The following TWSG1 variants were observed in gnomAD, a reference collection of about 807,000 sequenced individuals.
TWSG1 encodes twisted gastrulation BMP signaling modulator 1.
A neutral mutation model predicts 23.0 loss-of-function variants in TWSG1; 15 were observed. The ratio of observed to expected loss-of-function variants is 0.65; its 90% CI spans 0.44 to 1.00. The LOEUF (loss-of-function observed/expected upper bound fraction) is 1.00, where lower values mean the gene tolerates loss of function less well. TWSG1 is among the 50% of genes least tolerant of loss of function. The pLI is 0.00. For missense variants in TWSG1, 242 were observed against 278.7 expected, an observed-to-expected ratio of 0.87 and a Z score of 0.94; for synonymous variants, 86 against 92.8, an observed-to-expected ratio of 0.93 and a Z score of 0.42.
At chr18:9,355,025 G>A (rs560753697) in intron 2 of TWSG1, among the ~76,000 whole-genome samples, 14 of 151,714 alleles carry the variant, frequency 9.2e-5, no homozygotes, top group Middle Eastern at 6.8e-3. Context: ...GCCCCATCTC[G>A]GCTCACTGCA....
At chr18:9,339,438 G>C (rs948243367) in intron 2 of TWSG1, among the ~76,000 whole-genome samples, 5 of 152,038 alleles carry the variant, frequency 3.3e-5, no homozygotes, top group Non-Finnish European at 5.9e-5. Flanking sequence ...GTGGCACCAT[G>C]CCTGGCTAAT....
intron 1 of TWSG1, 88 bp from the exon 2 acceptor site, chr18:9,337,105 A>T (rs2040426648): frequency 8.8e-7 from 1 of 1,142,536 alleles, no homozygotes; most frequent in Admixed American, 2.1e-5. Context: ...ACAAACAATG[A>T]GTCTTAGTTT....
intron 3 of TWSG1, among the ~76,000 whole-genome samples, chr18:9,369,417 C>T (rs1217117741): frequency 2.6e-5 from 4 of 151,686 alleles, no homozygotes; most frequent in South Asian, 2.1e-4. Flanking sequence ...TACAGGTGCC[C>T]GCCACCACGC....
Position 9,399,799 on chromosome 18 carries a change from T to G in TWSG1, c.*272T>G. 1 of 255,884 alleles carries G rather than the reference T, an allele frequency of 3.9e-6. No homozygotes were observed. The allele number at this position is 255,884 out of a possible 1,614,324, so 15.9% of individuals were successfully genotyped here. A position where few individuals can be genotyped will look rare whatever the true frequency, so the allele number is the denominator to read the frequency against. ...AGAAGCAGGTGCGCAGAGAATTCCTTGAAAGATCTGAGGTTTTTAACATGA... is the reference window on the plus strand; with the variant it reads ...AGAAGCAGGTGCGCAGAGAATTCCTGGAAAGATCTGAGGTTTTTAACATGA... On this transcript the variant is annotated 3_prime_UTR_variant, in exon 5 of 5. Coordinates refer to ENST00000262120, the MANE Select transcript of TWSG1 (RefSeq NM_020648.6).
chr18:9,402,360 G>GTATTT lies in TWSG1; in HGVS notation c.*2834_*2835insATTTT, dbSNP rs1227065942. ...TATATGATCTACAACATATAAAATT[G>GTATTT]TGTATTTTTCTTTGGTTGTCCCTAT... On this transcript the variant is annotated 3_prime_UTR_variant, in exon 5 of 5. Transcript: ENST00000262120. The GTATTT allele has an allele frequency of 5.3e-5, 8 of 152,066 alleles. No homozygotes were observed. The highest frequency in any genetic ancestry group is 1.9e-4 in the African/African-American group (8 of 41,408). 9.4% of individuals were successfully genotyped at this position (152,066 alleles called of 1,614,324 possible). A position where few individuals can be genotyped will look rare whatever the true frequency, so the allele number is the denominator to read the frequency against.
intron 4 of TWSG1, among the ~76,000 whole-genome samples, chr18:9,398,816 T>C (rs1444588896): frequency 1.3e-5 from 2 of 152,010 alleles, no homozygotes; most frequent in Non-Finnish European, 2.9e-5. Context: ...CATTTTCTAC[T>C]TAGTTCTGTG....
intron 3 of TWSG1, among the ~76,000 whole-genome samples, chr18:9,373,140 GAA>G (rs981196996): frequency 6.6e-6 from 1 of 152,222 alleles, no homozygotes; most frequent in African/African-American, 2.4e-5. Flanking sequence ...TCACAGCAAG[GAA>G]AGTTATCAGA....
At chr18:9,388,064 A>C (rs968551424) in intron 3 of TWSG1, 1 of 152,206 alleles carries the variant, frequency 6.6e-6, no homozygotes, top group African/African-American at 2.4e-5. Context: ...CATTTCTGTC[A>C]TGCCACTTGA....
At chr18:9,349,738 C>T (rs751954011) in intron 2 of TWSG1, among the ~76,000 whole-genome samples, 13 of 152,104 alleles carry the variant, frequency 8.5e-5, no homozygotes, top group Non-Finnish European at 1.8e-4. Context: ...TTTGTTAGTA[C>T]ACTAGTAATA....
intron 3 of TWSG1, among the ~76,000 whole-genome samples, chr18:9,383,190 T>TTTG (rs1555652466): frequency 1.7e-4 from 24 of 137,728 alleles, no homozygotes; most frequent in African/African-American, 5.9e-4. Context: ...CACGTTTTTT[T>TTTG]TTTGTTTTTT....
At chr18:9,372,542 A>G (rs978049179) in intron 3 of TWSG1, among the ~76,000 whole-genome samples, 3 of 147,616 alleles carry the variant, frequency 2.0e-5, no homozygotes, top group African/African-American at 7.4e-5. Context: ...TATATATATT[A>G]TATATAATAT....
chr18:9,377,654 T>A (rs1342319363), intron 3 of TWSG1, among the ~76,000 whole-genome samples: 2 of 152,198 alleles, frequency 1.3e-5, no homozygotes, highest in East Asian at 3.8e-4. Flanking sequence ...AACACAATAC[T>A]GTGAAACTCC....
intron 3 of TWSG1, among the ~76,000 whole-genome samples, chr18:9,383,105 T>A (rs941582961): frequency 2.6e-5 from 4 of 151,456 alleles, no homozygotes; most frequent in African/African-American, 9.7e-5. Flanking sequence ...TTGGAGACCA[T>A]GGAAAGGAGT....
At position 9,337,191 on chromosome 18, in the gene TWSG1, A is replaced by G. The variant is rs762182034; in HGVS notation, c.-37-2A>G. On this transcript the variant is annotated splice_acceptor_variant, in intron 1 of 4. Coordinates refer to ENST00000262120, the MANE Select transcript of TWSG1 (RefSeq NM_020648.6). LOFTEE classifies it low-confidence loss of function (5UTR_SPLICE). ...GAATTAAAGTTGTGTTTGTTTGTTT[A>G]GTTTCCTGGGAGTTACTGATCATCT... 6.9e-6 allele frequency: 11 copies of G among 1,602,166 alleles called. No individual in the cohort carries two copies. The highest frequency in any genetic ancestry group is 1.3e-5 in the African/African-American group (1 of 74,838).
chr18:9,372,548 A>T (rs62087477), intron 3 of TWSG1, among the ~76,000 whole-genome samples: 9,152 of 147,888 alleles, frequency 0.062, 324 homozygotes, highest in Non-Finnish European at 0.08. Flanking sequence ...TATTATATAT[A>T]ATATATACAT....
Position 9,401,881 on chromosome 18 carries a change from C to T in TWSG1, c.*2354C>T, listed in dbSNP as rs1036408889. 7.9e-5 allele frequency: 12 copies of T among 151,550 alleles called. No individual in the cohort carries two copies. The highest frequency in any genetic ancestry group is 3.9e-4 in the Admixed American group (6 of 15,248). The allele number at this position is 151,550 out of a possible 1,614,324, so 9.4% of individuals were successfully genotyped here. On this transcript the variant is annotated 3_prime_UTR_variant, in exon 5 of 5. Transcript: ENST00000262120. Reference sequence around the variant, plus strand: ...ATTAGGTTATTACTTTTTTTATAACCAGATTTTTAAAGCACTAGGTTTTAA... The same window carrying T: ...ATTAGGTTATTACTTTTTTTATAACTAGATTTTTAAAGCACTAGGTTTTAA...
At chr18:9,377,857 T>G (rs1364617381) in intron 3 of TWSG1, among the ~76,000 whole-genome samples, 1 of 152,160 alleles carries the variant, frequency 6.6e-6, no homozygotes, top group Non-Finnish European at 1.5e-5. Context: ...TAGCTAGGAC[T>G]ACAGGCATGT....
intron 3 of TWSG1, among the ~76,000 whole-genome samples, chr18:9,373,991 C>A (rs1314429433): frequency 6.6e-6 from 1 of 152,104 alleles, no homozygotes. Context: ...GGAATTTAAA[C>A]CTTTTGTACT....
At chr18:9,358,309 T>A (rs1432064450) in intron 2 of TWSG1, among the ~76,000 whole-genome samples, 2 of 152,118 alleles carry the variant, frequency 1.3e-5, no homozygotes, top group East Asian at 1.9e-4. Context: ...CTCTGTATGA[T>A]CCCCTAGTTC....
Sources: gnomAD v4.1 joint callset for allele counts (sites outside exome capture counted in the v4.1 genomes callset) on GRCh38, gnomAD v4.1.1 for gene constraint, MANE v1.5 for transcripts, NCBI Gene and HGNC (gene_info 2026-07-23, HGNC 2026-07-21) for gene names.